Variants in FNDC3B observed in about 807,000 individuals in gnomAD.
FNDC3B encodes the protein fibronectin type III domain-containing protein 3B.
FNDC3B carries 12 observed loss-of-function variants against 151.5 expected under a neutral mutation model. That is an observed-to-expected ratio of 0.08 (90% CI 0.05 to 0.13). FNDC3B has a LOEUF of 0.13. Among genes scored for constraint, FNDC3B ranks in the 10% least tolerant of loss-of-function variants. The pLI, the probability that FNDC3B is intolerant of heterozygous loss-of-function variation, is 1.00. For synonymous variants in FNDC3B, 528 were observed against 549.0 expected, an observed-to-expected ratio of 0.96 and a Z score of 0.54; for missense variants, 1,214 against 1,505.3, an observed-to-expected ratio of 0.81 and a Z score of 3.20.
chr3:172,147,672 T>A (rs1721986655), intron 3 of FNDC3B, among the ~76,000 whole-genome samples: 1 of 152,144 alleles, frequency 6.6e-6, no homozygotes, highest in Non-Finnish European at 1.5e-5. Context: ...GGTTTCTGAT[T>A]CAGGTCTGGG....
chr3:172,166,340 G>T (rs1723000629), intron 3 of FNDC3B, among the ~76,000 whole-genome samples: 1 of 152,186 alleles, frequency 6.6e-6, no homozygotes, highest in African/African-American at 2.4e-5. Flanking sequence ...ATTACTTAAT[G>T]AAATGAATGA....
At chr3:172,177,679 C>CTTTTTTTTTTTTTTTTTTT (rs1723677200) in intron 3 of FNDC3B, among the ~76,000 whole-genome samples, 1 of 84,532 alleles carries the variant, frequency 1.2e-5, no homozygotes, top group African/African-American at 4.6e-5. Flanking sequence ...TAGAAAGGAA[C>CTTTTTTTTTTTTTTTTTTT]TTTTTCTTTT....
chr3:172,121,773 C>A (rs1720558982), intron 2 of FNDC3B, among the ~76,000 whole-genome samples: 1 of 152,118 alleles, frequency 6.6e-6, no homozygotes, highest in Non-Finnish European at 1.5e-5. Context: ...CCTTATGTTG[C>A]CCAGGCTGGT....
intron 3 of FNDC3B, among the ~76,000 whole-genome samples, chr3:172,144,438 T>C (rs574686519): frequency 2.6e-5 from 4 of 152,336 alleles, no homozygotes; most frequent in Non-Finnish European, 5.9e-5. Flanking sequence ...AGCGGTGTGA[T>C]TGAAGAGGGC....
intron 1 of FNDC3B, among the ~76,000 whole-genome samples, chr3:172,047,998 TA>T (rs1716445041): frequency 6.6e-6 from 1 of 152,198 alleles, no homozygotes; most frequent in Non-Finnish European, 1.5e-5. Flanking sequence ...TTAGATAAGG[TA>T]ATTACATGTC....
At chr3:172,098,167 T>G (rs530037468) in intron 1 of FNDC3B, among the ~76,000 whole-genome samples, 22 of 152,300 alleles carry the variant, frequency 1.4e-4, no homozygotes, top group Middle Eastern at 6.8e-3. Context: ...TATTGAGAAT[T>G]TAATCAACAC....
At chr3:172,235,491 T>C (rs149522306) in intron 4 of FNDC3B, among the ~76,000 whole-genome samples, 3 of 152,308 alleles carry the variant, frequency 2.0e-5, no homozygotes, top group Middle Eastern at 3.4e-3. Context: ...TGTTTGAAAC[T>C]TAGAACCATA....
intron 1 of FNDC3B, among the ~76,000 whole-genome samples, chr3:172,090,885 G>T (rs1718788575): frequency 6.6e-6 from 1 of 152,088 alleles, no homozygotes; most frequent in Non-Finnish European, 1.5e-5. Flanking sequence ...GTGTATAAGG[G>T]TGTATGTGAA....
chr3:172,147,562 C>T (rs538776203), intron 3 of FNDC3B, among the ~76,000 whole-genome samples: 1 of 151,988 alleles, frequency 6.6e-6, no homozygotes, highest in African/African-American at 2.4e-5. Context: ...TATGTCAGAC[C>T]CTAAAGATTA....
At chr3:172,182,587 A>G (rs1181027670) in intron 3 of FNDC3B, among the ~76,000 whole-genome samples, 1 of 152,168 alleles carries the variant, frequency 6.6e-6, no homozygotes, top group Admixed American at 6.5e-5. Context: ...TATTGGGTGT[A>G]ATACTCAATC....
chr3:172,109,058 C>A (rs892113114), intron 1 of FNDC3B, among the ~76,000 whole-genome samples: 1 of 152,072 alleles, frequency 6.6e-6, no homozygotes, highest in African/African-American at 2.4e-5. Flanking sequence ...TCGTTGGCTG[C>A]ATGTAGGCCC....
chr3:172,363,666 T>C (rs370481458), intron 23 of FNDC3B, among the ~76,000 whole-genome samples: 1 of 152,208 alleles, frequency 6.6e-6, no homozygotes, highest in Non-Finnish European at 1.5e-5. Flanking sequence ...GTTATTTCCT[T>C]TTATGCATGA....
chr3:172,224,366 C>T (rs1292077647), intron 3 of FNDC3B, among the ~76,000 whole-genome samples: 1 of 152,140 alleles, frequency 6.6e-6, no homozygotes, highest in Non-Finnish European at 1.5e-5. Context: ...TCTTCTTTTG[C>T]TTTAAATTAT....
intron 25 of FNDC3B, among the ~76,000 whole-genome samples, chr3:172,396,108 ATTT>A (rs1201362418): frequency 6.6e-6 from 1 of 152,206 alleles, no homozygotes; most frequent in Non-Finnish European, 1.5e-5. Flanking sequence ...TATTAATAGC[ATTT>A]TTATTATACG....
chr3:172,364,174 G>A (rs143823190), intron 23 of FNDC3B, among the ~76,000 whole-genome samples: 93 of 152,270 alleles, frequency 6.1e-4, no homozygotes, highest in African/African-American at 2.2e-3. Context: ...ATGTGCCTTC[G>A]GATGTGTTTT....
intron 11 of FNDC3B, 148 bp from the exon 12 acceptor site, chr3:172,328,804 T>G (rs1732484600): frequency 1.7e-6 from 1 of 576,174 alleles, no homozygotes; most frequent in African/African-American, 1.9e-5. Context: ...ACATGGACAC[T>G]TCCCTGTAAG....
At chr3:172,246,526 G>A (rs1267593280) in intron 4 of FNDC3B, among the ~76,000 whole-genome samples, 1 of 152,200 alleles carries the variant, frequency 6.6e-6, no homozygotes, top group Non-Finnish European at 1.5e-5. Context: ...GTAGTGTGAC[G>A]CTGGCCACAG....
chr3:172,373,545 A>T (rs1734983965), intron 23 of FNDC3B, among the ~76,000 whole-genome samples: 1 of 152,194 alleles, frequency 6.6e-6, no homozygotes, highest in Non-Finnish European at 1.5e-5. Context: ...GTGTCTTGGG[A>T]TGCTTGGTAT....
chr3:172,258,855 G>A (rs926017460), intron 6 of FNDC3B, among the ~76,000 whole-genome samples: 1 of 152,162 alleles, frequency 6.6e-6, no homozygotes, highest in African/African-American at 2.4e-5. Flanking sequence ...TAGGGCTTTT[G>A]CACTTCACAA....
Sources: gnomAD v4.1 joint callset for allele counts (sites outside exome capture counted in the v4.1 genomes callset) on GRCh38, gnomAD v4.1.1 for gene constraint, MANE v1.5 for transcripts, NCBI Gene and HGNC (gene_info 2026-07-23, HGNC 2026-07-21) for gene names.